Variants in DNAJC27 observed in about 807,000 individuals in gnomAD.
DNAJC27 encodes the protein DnaJ heat shock protein family (Hsp40) member C27, also known as dnaJ homolog subfamily C member 27.
DNAJC27 carries 25 observed loss-of-function variants against 31.4 expected under a neutral mutation model. That is an observed-to-expected ratio of 0.80 (90% CI 0.58 to 1.11). The LOEUF (loss-of-function observed/expected upper bound fraction) is 1.11. Among genes scored for constraint, DNAJC27 ranks in the 50% most tolerant of loss-of-function variants. DNAJC27 has a pLI of 0.00. For synonymous variants in DNAJC27, 106 were observed against 112.7 expected, an observed-to-expected ratio of 0.94 and a Z score of 0.37; for missense variants, 356 against 347.3, an observed-to-expected ratio of 1.02 and a Z score of -0.20.
chr2:24,962,958 C>T (rs1170913451), intron 3 of DNAJC27, among the ~76,000 whole-genome samples: 1 of 152,146 alleles, frequency 6.6e-6, no homozygotes, highest in Non-Finnish European at 1.5e-5. Context: ...AGCTGGTAAG[C>T]AGATGAAAAT....
intron 5 of DNAJC27, among the ~76,000 whole-genome samples, chr2:24,954,709 G>A (rs140269733): frequency 1.2e-3 from 185 of 152,298 alleles, no homozygotes; most frequent in African/African-American, 4.0e-3. Flanking sequence ...AGGCCGAGGC[G>A]GGCGGATCAC....
intron 5 of DNAJC27, among the ~76,000 whole-genome samples, chr2:24,954,295 A>G (rs1665852278): frequency 6.6e-6 from 1 of 152,172 alleles, no homozygotes; most frequent in African/African-American, 2.4e-5. Context: ...GCTAGAGAAG[A>G]GCTATCCTGG....
At chr2:24,950,356 T>C (rs1292867890) in intron 6 of DNAJC27, among the ~76,000 whole-genome samples, 1 of 152,010 alleles carries the variant, frequency 6.6e-6, no homozygotes. Flanking sequence ...GGTGAAAAAG[T>C]AGGAAGGGTG....
At position 24,969,022 on chromosome 2, in the gene DNAJC27, C is replaced by G. The variant is rs58609134; in HGVS notation, c.88-1729G>C. The G allele has an allele frequency of 4.6e-3, 742 of 160,972 alleles. 5 individuals are homozygous for G. Among genetic ancestry groups the G allele is most frequent in the African/African-American group, 0.016 (684 of 41,804 alleles). The allele number at this position is 160,972 out of a possible 1,614,324, so 10.0% of individuals were successfully genotyped here. ...ATATTGAGCCAAAGGGTGACTCTACCTCTCTATCAGAATCAGACAGAATTT... is the reference window on the plus strand; with the variant it reads ...ATATTGAGCCAAAGGGTGACTCTACGTCTCTATCAGAATCAGACAGAATTT... On this transcript the variant is annotated intron_variant, in intron 1 of 6. Transcript: ENST00000264711.
At chr2:24,971,652 G>A (rs945554102) in intron 1 of DNAJC27, 166 bp downstream of exon 1, 7 of 546,910 alleles carry the variant, frequency 1.3e-5, no homozygotes, top group African/African-American at 1.2e-4. Context: ...AGGTCAAAAA[G>A]GTCGGGGAGT....
intron 6 of DNAJC27, 114 bp from the exon 7 acceptor site, chr2:24,947,862 C>T: frequency 2.4e-6 from 3 of 1,227,734 alleles, no homozygotes; most frequent in Non-Finnish European, 3.3e-6. Flanking sequence ...AAATTATTAC[C>T]CTTTCTCAAA....
chr2:24,955,370 TA>T (rs796492836), intron 5 of DNAJC27, among the ~76,000 whole-genome samples: 1 of 151,606 alleles, frequency 6.6e-6, no homozygotes, highest in Admixed American at 6.6e-5. Flanking sequence ...GAAAAATGCA[TA>T]AAAAAATGGA....
At chr2:24,969,246 C>A in intron 1 of DNAJC27, 1 of 185,898 alleles carries the variant, frequency 5.4e-6, no homozygotes, top group Non-Finnish European at 1.2e-5. Context: ...AAAAGGGAAT[C>A]ATGTTTTAAC....
rs1411567934 is a variant in DNAJC27 at position 24,943,971 on chromosome 2, C to A, written c.*3645G>T. 2.0e-5 allele frequency: 3 copies of A among 152,194 alleles called. No individual in the cohort carries two copies. The highest frequency in any genetic ancestry group is 1.3e-4 in the Admixed American group (2 of 15,276). 9.4% of individuals were successfully genotyped at this position (152,194 alleles called of 1,614,324 possible). On this transcript the variant is annotated 3_prime_UTR_variant, in exon 7 of 7. Transcript: ENST00000264711. Reference sequence around the variant, plus strand: ...CACTTATCCATGTCACCAGTGTAAGCTTTTGTCTTCTCTAGAAAAGTTTAA... The same window carrying A: ...CACTTATCCATGTCACCAGTGTAAGATTTTGTCTTCTCTAGAAAAGTTTAA...
chr2:24,969,621 A>C (rs1232647909), intron 1 of DNAJC27: 6 of 153,454 alleles, frequency 3.9e-5, no homozygotes, highest in African/African-American at 1.4e-4. Flanking sequence ...TGGGACTACA[A>C]GCGTGCGCCA....
chr2:24,950,716 G>A (rs1249170751), intron 6 of DNAJC27, among the ~76,000 whole-genome samples: 3 of 151,986 alleles, frequency 2.0e-5, no homozygotes, highest in Non-Finnish European at 2.9e-5. Context: ...GCGTGGTGGC[G>A]TGTGCCTGTA....
rs1358858542 is a variant in DNAJC27, at chr2:24,947,683, G to A, written c.755C>T (p.Pro252Leu). The A allele has an allele frequency of 5.0e-6, 8 of 1,613,554 alleles. No homozygotes were observed. The East Asian group carries it at 1.8e-4, about 36-fold the overall frequency. ...VLLHPDKCVAPGSEDAFKAVV... is the reference protein window; with the variant it reads ...VLLHPDKCVALGSEDAFKAVV... ...TGCTTTGAAGGCATCTTCACTGCCA[G>A]GTGCTACACATTTGTCAGGGTGAAG... The change falls in exon 7 of 7, where the codon CCT becomes CTT. Residue 252 changes from proline (P) to leucine (L), a missense_variant. Transcript: ENST00000264711.
chr2:24,971,842 G>A lies in DNAJC27; in HGVS notation c.63C>T (p.Ser21=). The change falls in exon 1 of 7, where the codon TCC becomes TCT. Residue 21 remains serine, a synonymous_variant. Transcript: ENST00000264711. ...PGRSLRIKVI[S]MGNAEVGKSC... is the part of the protein sequence containing the mutation. ...CTTTCCCCACTTCGGCGTTGCCCAT[G>A]GAGATGACTTTGATGCGGAGAGACC... 1 of 1,609,594 alleles carries A rather than the reference G, an allele frequency of 6.2e-7. No homozygotes were observed. The highest frequency in any genetic ancestry group is 8.5e-7 in the Non-Finnish European group (1 of 1,178,354).
chr2:24,960,541 C>T (rs1415324301), intron 3 of DNAJC27, among the ~76,000 whole-genome samples: 1 of 152,190 alleles, frequency 6.6e-6, no homozygotes, highest in Non-Finnish European at 1.5e-5. Flanking sequence ...AAAGCTGGGC[C>T]TTTTGTACCA....
intron 5 of DNAJC27, among the ~76,000 whole-genome samples, chr2:24,952,802 A>G (rs555100822): frequency 1.6e-4 from 25 of 152,320 alleles, no homozygotes; most frequent in African/African-American, 6.0e-4. Context: ...CTAATCTGAT[A>G]TATATCTAAT....
In DNAJC27 at chr2:24,944,581, G is replaced by A. The variant is rs1366526233; in HGVS notation, c.*3035C>T. 1 of 152,564 alleles carries A rather than the reference G, an allele frequency of 6.6e-6. No homozygotes were observed. The highest frequency in any genetic ancestry group is 1.5e-5 in the Non-Finnish European group (1 of 68,034). 9.5% of individuals were successfully genotyped at this position (152,564 alleles called of 1,614,324 possible). On this transcript the variant is annotated 3_prime_UTR_variant, in exon 7 of 7. Transcript: ENST00000264711. The stretch of plus-strand genomic sequence containing the variant: ...GAGGTAAAAGTATGCCTTAAAGAAT[G>A]ATGTGCAATCTATAAAACTGTAGCA...
At chr2:24,962,504 T>C (rs1666074918) in intron 3 of DNAJC27, among the ~76,000 whole-genome samples, 1 of 152,028 alleles carries the variant, frequency 6.6e-6, no homozygotes, top group South Asian at 2.1e-4. Flanking sequence ...GATCCACCCT[T>C]CTCGGCCTCC....
rs376890292 is a variant in DNAJC27 at position 24,959,366 on chromosome 2, TAC to T, written c.241-1394_241-1393del. Among the ~76,000 whole-genome samples, 27 of 152,316 alleles carry T rather than the reference TAC, an allele frequency of 1.8e-4. 1 individual carries two copies. The South Asian group carries it at 5.6e-3, about 32-fold the overall frequency. On this transcript the variant is annotated intron_variant, in intron 3 of 6. Transcript: ENST00000264711. ...CCAAATCAGCAACATCAACCACTTG[TAC>T]AGTTTCAACTGTGAGAATCTCCAAG...
In DNAJC27 at chr2:24,967,284, T is replaced by C. The variant is rs1212203056; in HGVS notation, c.97A>G (p.Ile33Val). The C allele has an allele frequency of 1.2e-6, 2 of 1,612,410 alleles. No individual in the cohort carries two copies. The highest frequency in any genetic ancestry group is 1.7e-6 in the Non-Finnish European group (2 of 1,178,576). ...AATCTTTTCTCACAGTATCGCTTTA[T>C]AATACAGCTCTAAAAAGGTAAAAAA... ...GNAEVGKSCI[I>V]KRYCEKRFVS... The change falls in exon 2 of 7, where the codon ATA becomes GTA. Residue 33 changes from isoleucine to valine, a missense_variant. Coordinates refer to ENST00000264711, the MANE Select transcript of DNAJC27 (RefSeq NM_016544.3).
Sources: allele counts gnomAD v4.1 joint callset (sites outside exome capture counted in the v4.1 genomes callset), GRCh38; gene constraint gnomAD v4.1.1; transcripts MANE v1.5; gene names NCBI Gene and HGNC (gene_info 2026-07-23, HGNC 2026-07-21).